The following ABCA13 variants were observed in gnomAD, a reference collection of about 807,000 sequenced individuals.
The protein encoded by ABCA13 is ATP binding cassette subfamily A member 13.
A neutral mutation model predicts 478.7 loss-of-function variants in ABCA13; 476 were observed. The observed-to-expected ratio is 0.99, with a 90% CI of 0.92 to 1.07. ABCA13 has a LOEUF of 1.07. ABCA13 is among the 50% of genes least tolerant of loss of function. The probability of loss-of-function intolerance (pLI) is 0.00; values close to 1 mark genes in which losing one functional copy is unlikely to be tolerated. For synonymous variants in ABCA13, 2,252 were observed against 2,158.9 expected (o/e 1.04, Z -1.20); for missense variants, 6,060 against 5,910.6 (o/e 1.03, Z -0.83).
chr7:48,232,883 A>G (rs1466289106), intron 7 of ABCA13, among the ~76,000 whole-genome samples: 2 of 152,222 alleles, frequency 1.3e-5, no homozygotes, highest in Non-Finnish European at 2.9e-5. Context: ...TTAATCTAAC[A>G]AGTGGGACTC....
At chr7:48,607,658 T>A (rs1049277901) in intron 58 of ABCA13, among the ~76,000 whole-genome samples, 10 of 152,210 alleles carry the variant, frequency 6.6e-5, no homozygotes, top group African/African-American at 2.2e-4. Flanking sequence ...GGAGAAACTT[T>A]CTTGTTTCTT....
At chr7:48,579,107 A>G (rs1788461889) in intron 55 of ABCA13, among the ~76,000 whole-genome samples, 1 of 152,252 alleles carries the variant, frequency 6.6e-6, no homozygotes. Flanking sequence ...TATCAAAAGC[A>G]TGATCCATAA....
In ABCA13 at chr7:48,406,491, C is replaced by T. The variant is rs557786746; in HGVS notation, c.12070+2612C>T. Reference sequence around the variant, plus strand: ...TATTATTATTAAAATAGACAAGGGGCGAATGTGGGAAGCGCAGCTTTTGGA... The same window carrying T: ...TATTATTATTAAAATAGACAAGGGGTGAATGTGGGAAGCGCAGCTTTTGGA... On this transcript the variant is annotated intron_variant, in intron 39 of 61. Transcript: ENST00000435803. 4.4e-4 allele frequency among the ~76,000 whole-genome samples: 67 copies of T among 152,132 alleles called. 1 individual carries two copies. Among genetic ancestry groups the T allele is most frequent in the African/African-American group, 4.8e-4 (20 of 41,478 alleles).
chr7:48,629,442 G>A (rs1232403170), intron 59 of ABCA13, among the ~76,000 whole-genome samples: 1 of 152,068 alleles, frequency 6.6e-6, no homozygotes, highest in Admixed American at 6.6e-5. Flanking sequence ...AGCATAAAAT[G>A]CGTGTGTGAG....
chr7:48,232,622 T>C (rs375118367), intron 7 of ABCA13, among the ~76,000 whole-genome samples: 30 of 152,184 alleles, frequency 2.0e-4, no homozygotes, highest in African/African-American at 5.8e-4. Flanking sequence ...GGTCCAATTA[T>C]GTTATGCACT....
chr7:48,375,980 T>A (rs1005748988), intron 34 of ABCA13, among the ~76,000 whole-genome samples: 3 of 152,134 alleles, frequency 2.0e-5, no homozygotes, highest in African/African-American at 7.2e-5. Flanking sequence ...AATCCAGAAA[T>A]AAATCACAAA....
chr7:48,185,612 C>T (rs1003944737), intron 1 of ABCA13, among the ~76,000 whole-genome samples: 4 of 152,064 alleles, frequency 2.6e-5, no homozygotes, highest in Admixed American at 1.3e-4. Flanking sequence ...TGCTGTCTTT[C>T]AATAAAGTTT....
Position 48,427,817 on chromosome 7 carries a change from G to A in ABCA13, c.12511G>A (p.Gly4171Arg). The A allele has an allele frequency of 6.2e-7, 1 of 1,613,398 alleles. No individual in the cohort carries two copies. The highest frequency in any genetic ancestry group is 1.1e-5 in the South Asian group (1 of 90,996). The change falls in exon 42 of 62, where the codon GGG (glycine) becomes AGG (arginine). Residue 4171 changes from glycine to arginine, a missense_variant. Gly to Arg is a moderately radical substitution (Grantham distance 125). This residue lies in a region of ABCA13 where 1,627 missense variants were observed against 1,571.0 expected (regional missense o/e 1.04). Transcript: ENST00000435803. ...CAACAAGAAATCTCACATTGCCCTG[G>A]GGACTGAGTCAGAGCTGCAGAACCA... Reference protein sequence around the residue: ...DSNKKSHIALGTESELQNHRP... With the variant: ...DSNKKSHIALRTESELQNHRP...
At chr7:48,201,546 C>A (rs10232591) in intron 3 of ABCA13, among the ~76,000 whole-genome samples, 1 of 152,008 alleles carries the variant, frequency 6.6e-6, no homozygotes, top group African/African-American at 2.4e-5. Context: ...AGGCTGAAAC[C>A]CTGTCTCTAC....
chr7:48,461,966 A>C (rs1279487748), intron 43 of ABCA13, among the ~76,000 whole-genome samples: 1 of 152,154 alleles, frequency 6.6e-6, no homozygotes, highest in East Asian at 1.9e-4. Context: ...AACAGATGGG[A>C]AAGTCTTATA....
At chr7:48,229,389 G>A (rs1372637516) in intron 6 of ABCA13, among the ~76,000 whole-genome samples, 1 of 152,098 alleles carries the variant, frequency 6.6e-6, no homozygotes, top group Non-Finnish European at 1.5e-5. Flanking sequence ...ACATGGTATT[G>A]CCCCCCAAAT....
In ABCA13 at chr7:48,524,396, A is replaced by G. The variant is rs756480355; in HGVS notation, c.14200A>G (p.Ile4734Val). ...SKHYRRFFQN[I>V]IAVQDISLGI... ...ACATTATCGACGCTTTTTCCAGAAT[A>G]TTATTGCTGTGCAAGATATTAGTTT... is the stretch of plus-strand genomic sequence containing the variant. Residue 4734 changes from isoleucine to valine, a missense_variant, in exon 54 of 62, where the codon ATT becomes GTT. Around this residue, in one of 3 missense-constraint regions of ABCA13, gnomAD observed 1,627 missense variants for 1,571.0 expected, o/e 1.04. Coordinates refer to ENST00000435803, the MANE Select transcript of ABCA13 (RefSeq NM_152701.5). 1.2e-6 allele frequency: 2 copies of G among 1,613,070 alleles called. No individual in the cohort carries two copies. Among genetic ancestry groups the G allele is most frequent in the Non-Finnish European group, 1.7e-6 (2 of 1,179,460 alleles).
chr7:48,620,915 T>G (rs1216594568), intron 59 of ABCA13, among the ~76,000 whole-genome samples: 1 of 151,938 alleles, frequency 6.6e-6, no homozygotes, highest in Non-Finnish European at 1.5e-5. Context: ...GAGAAAGGAG[T>G]GCCCTCTTCT....
At chr7:48,325,483 C>T (rs541432281) in intron 27 of ABCA13, among the ~76,000 whole-genome samples, 4 of 152,174 alleles carry the variant, frequency 2.6e-5, no homozygotes, top group Non-Finnish European at 5.9e-5. Context: ...TCAGACGGTG[C>T]TTAAAACTGT....
At chr7:48,189,802 G>C (rs1796856421) in intron 1 of ABCA13, among the ~76,000 whole-genome samples, 1 of 152,096 alleles carries the variant, frequency 6.6e-6, no homozygotes, top group African/African-American at 2.4e-5. Flanking sequence ...TGGCATGAAA[G>C]ATTTAGACAA....
In ABCA13 at chr7:48,457,326, C is replaced by A. The variant is rs867537286; in HGVS notation, c.12815+2040C>A. ...ATCATATTTTGCTTCTAACTGACTTCTTCACCCTCCTCCCCTCTCTCAACT... is the reference window on the plus strand; with the variant it reads ...ATCATATTTTGCTTCTAACTGACTTATTCACCCTCCTCCCCTCTCTCAACT... On this transcript the variant is annotated intron_variant, in intron 43 of 61. Transcript: ENST00000435803. Among the ~76,000 whole-genome samples the A allele has an allele frequency of 2.3e-4, 33 of 144,736 alleles. No homozygotes were observed. The South Asian group carries it at 4.3e-3, about 19-fold the overall frequency. The allele number at this position is 144,736 out of a possible 152,430, so 95.0% of individuals were successfully genotyped here. A position where few individuals can be genotyped will look rare whatever the true frequency, so the allele number is the denominator to read the frequency against.
At chr7:48,584,029 C>A (rs1172118553) in intron 56 of ABCA13, among the ~76,000 whole-genome samples, 2 of 152,162 alleles carry the variant, frequency 1.3e-5, no homozygotes, top group African/African-American at 2.4e-5. Flanking sequence ...TAAAAATATG[C>A]AATAATAATT....
chr7:48,622,577 T>G (rs1793244334), intron 59 of ABCA13, among the ~76,000 whole-genome samples: 1 of 152,172 alleles, frequency 6.6e-6, no homozygotes, highest in South Asian at 2.1e-4. Flanking sequence ...CTTCTTGCCT[T>G]TCTAGCCTAT....
rs374126937 is a variant in ABCA13 at position 48,489,316 on chromosome 7, A to T, written c.13263A>T (p.Leu4421=). 2 of 1,611,474 alleles carry T rather than the reference A, an allele frequency of 1.2e-6. No individual in the cohort carries two copies. The highest frequency in any genetic ancestry group is 2.7e-5 in the African/African-American group (2 of 74,858). The change falls in exon 48 of 62, where the codon CTA becomes CTT. Residue 4421 remains leucine (L), a synonymous_variant. Transcript: ENST00000435803. ...ACAACCTTATTTTGTGGCAGCACCT[A>T]CCCCCTACTGTGGACTGGAGACAAT... ...HLNNLILWQH[L]PPTVDWRQYG... is the part of the protein sequence containing the mutation.
Sources: gnomAD v4.1 joint callset for allele counts (sites outside exome capture counted in the v4.1 genomes callset) on GRCh38, gnomAD v4.1.1 for gene constraint, gnomAD v4.1.1 regional missense constraint, MANE v1.5 for transcripts, NCBI Gene and HGNC (gene_info 2026-07-23, HGNC 2026-07-21) for gene names.